Variants in ARFIP1 observed in about 807,000 individuals in gnomAD.
ARFIP1 encodes the protein arfaptin-1.
ARFIP1 carries 24 observed loss-of-function variants against 42.5 expected under a neutral mutation model. That is an observed-to-expected ratio of 0.57 (90% CI 0.41 to 0.80). The LOEUF (loss-of-function observed/expected upper bound fraction) is 0.80, where lower values mean the gene tolerates loss of function less well. Among genes scored for constraint, ARFIP1 ranks in the 30% least tolerant of loss-of-function variants. The pLI is 0.00. For missense variants in ARFIP1, 354 were observed against 434.0 expected, an observed-to-expected ratio of 0.82 and a Z score of 1.64; for synonymous variants, 141 against 153.7, an observed-to-expected ratio of 0.92 and a Z score of 0.61.
At chr4:152,868,986 A>G (rs983485773) in intron 3 of ARFIP1, among the ~76,000 whole-genome samples, 3 of 152,218 alleles carry the variant, frequency 2.0e-5, no homozygotes, top group African/African-American at 7.2e-5. Context: ...GATTTCCATC[A>G]TCCCTTCTGG....
chr4:152,891,042 G>A (rs1235337144), intron 8 of ARFIP1, among the ~76,000 whole-genome samples: 1 of 152,130 alleles, frequency 6.6e-6, no homozygotes, highest in Non-Finnish European at 1.5e-5. Context: ...CTTCTGACTC[G>A]TAGATGGCTC....
intron 1 of ARFIP1, among the ~76,000 whole-genome samples, chr4:152,812,822 T>G (rs1399404541): frequency 6.7e-6 from 1 of 148,706 alleles, no homozygotes; most frequent in Non-Finnish European, 1.5e-5. Flanking sequence ...TAGGTCATTC[T>G]AGATTCCTCC....
chr4:152,881,264 T>G, intron 6 of ARFIP1, 80 bp downstream of exon 6: 1 of 1,091,374 alleles, frequency 9.2e-7, no homozygotes, highest in East Asian at 2.5e-5. Context: ...GTTATTGTGA[T>G]TTGCTGAACT....
At chr4:152,796,580 G>A in intron 1 of ARFIP1, 1 of 834,976 alleles carries the variant, frequency 1.2e-6, no homozygotes, top group Non-Finnish European at 2.1e-6. Context: ...TGATAGGCAG[G>A]TACTGCTCCC....
In ARFIP1 at chr4:152,911,921, C is replaced by G. The variant is rs1370611582; in HGVS notation, c.*1702C>G. 1 of 152,488 alleles carries G rather than the reference C, an allele frequency of 6.6e-6. No individual in the cohort carries two copies. The highest frequency in any genetic ancestry group is 1.9e-4 in the East Asian group (1 of 5,194). The allele number at this position is 152,488 out of a possible 1,614,324, so 9.4% of individuals were successfully genotyped here. On this transcript the variant is annotated 3_prime_UTR_variant, in exon 9 of 9. Coordinates refer to ENST00000353617, the MANE Select transcript of ARFIP1 (RefSeq NM_001025595.3). ...GTGTTTGCTGCAGTAAATCGTTTCTCTGGACCTTCATAGTTTAAGAAGTAA... is the reference window on the plus strand; with the variant it reads ...GTGTTTGCTGCAGTAAATCGTTTCTGTGGACCTTCATAGTTTAAGAAGTAA...
At chr4:152,804,264 T>TATATAATATATAACATAACATGTATTAC (rs1561108530) in intron 1 of ARFIP1, among the ~76,000 whole-genome samples, 2,935 of 11,384 alleles carry the variant, frequency 0.26, 1,198 homozygotes, top group Admixed American at 0.42. Context: ...ACATGTATTA[T>TATATAATATATAACATAACATGTATTAC]ATATTATATA....
At chr4:152,822,706 C>A (rs1730488711) in intron 1 of ARFIP1, among the ~76,000 whole-genome samples, 1 of 152,152 alleles carries the variant, frequency 6.6e-6, no homozygotes, top group African/African-American at 2.4e-5. Context: ...AGAATTATAT[C>A]AGGTATCTTC....
chr4:152,889,498 CATATATATATATATATATATAT>C (rs71595203), intron 8 of ARFIP1, among the ~76,000 whole-genome samples: 2 of 42,790 alleles, frequency 4.7e-5, no homozygotes, highest in South Asian at 2.2e-3. Context: ...TCATTTTAGT[CATATATATATATATATATATAT>C]ATATATATAT....
rs61135783 is a variant in ARFIP1, at chr4:152,808,283, A to ATTTTTTTTTTTTTTTT, written c.-9-21323_-9-21308dup. Among the ~76,000 whole-genome samples the ATTTTTTTTTTTTTTTT allele has an allele frequency of 2.6e-3, 52 of 20,310 alleles. 10 individuals are homozygous for ATTTTTTTTTTTTTTTT. The highest frequency in any genetic ancestry group is 6.4e-3 in the East Asian group (4 of 622). 13.3% of individuals were successfully genotyped at this position (20,310 alleles called of 152,430 possible). ...GTGTGAGCCACCACGCCTGGCCTCC[A>ATTTTTTTTTTTTTTTT]TTTTTTTTTTTTTTTTTTTTTTTTT... is the stretch of plus-strand genomic sequence containing the variant. On this transcript the variant is annotated intron_variant, in intron 1 of 8. Coordinates refer to ENST00000353617, the MANE Select transcript of ARFIP1 (RefSeq NM_001025595.3).
At chr4:152,839,917 C>T (rs1002623859) in intron 2 of ARFIP1, among the ~76,000 whole-genome samples, 20 of 152,022 alleles carry the variant, frequency 1.3e-4, no homozygotes, top group Admixed American at 9.2e-4. Context: ...TTGATGTAGG[C>T]GTTTAGCACC....
At chr4:152,785,278 C>T (rs62318852) in intron 1 of ARFIP1, among the ~76,000 whole-genome samples, 57,771 of 152,068 alleles carry the variant, frequency 0.38, 12,042 homozygotes, top group Admixed American at 0.49. Context: ...CATACATCCT[C>T]ATTTTATTTT....
At chr4:152,883,284 T>C in intron 7 of ARFIP1, 1 of 185,866 alleles carries the variant, frequency 5.4e-6, no homozygotes, top group Non-Finnish European at 1.1e-5. Context: ...CTCTGGCTTC[T>C]TTAGAAGAGG....
At chr4:152,786,422 G>GA (rs1730813182) in intron 1 of ARFIP1, among the ~76,000 whole-genome samples, 1 of 152,120 alleles carries the variant, frequency 6.6e-6, no homozygotes, top group African/African-American at 2.4e-5. Flanking sequence ...GTAAAATCCA[G>GA]AAAACTAGAA....
chr4:152,884,218 G>GGTGAGGATAGCT (rs1267753514), intron 7 of ARFIP1, among the ~76,000 whole-genome samples: 1 of 151,930 alleles, frequency 6.6e-6, no homozygotes, highest in Non-Finnish European at 1.5e-5. Flanking sequence ...GAGGGGTAAG[G>GGTGAGGATAGCT]GTGAGGATAG....
intron 2 of ARFIP1, among the ~76,000 whole-genome samples, chr4:152,848,744 T>C (rs1732758691): frequency 6.6e-6 from 1 of 152,238 alleles, no homozygotes; most frequent in Non-Finnish European, 1.5e-5. Context: ...TTTTGGTTCA[T>C]AGTAGTTGCT....
At chr4:152,889,741 ATATATAC>A (rs1736615138) in intron 8 of ARFIP1, among the ~76,000 whole-genome samples, 1 of 41,030 alleles carries the variant, frequency 2.4e-5, no homozygotes, top group Non-Finnish European at 4.9e-5. Context: ...ATACTATACT[ATATATAC>A]TATATATTAT....
chr4:152,814,054 GT>G (rs548040115), intron 1 of ARFIP1, among the ~76,000 whole-genome samples: 1 of 149,862 alleles, frequency 6.7e-6, no homozygotes, highest in Non-Finnish European at 1.5e-5. Context: ...TAGGTGGACA[GT>G]TTTTCTTTTG....
intron 2 of ARFIP1, among the ~76,000 whole-genome samples, chr4:152,846,871 G>A (rs1470229051): frequency 6.6e-6 from 1 of 151,768 alleles, no homozygotes; most frequent in Admixed American, 6.6e-5. Context: ...TTACGTTGTC[G>A]TAACCTGGCT....
At chr4:152,800,606 G>A (rs1728325390) in intron 1 of ARFIP1, among the ~76,000 whole-genome samples, 2 of 152,144 alleles carry the variant, frequency 1.3e-5, no homozygotes, top group Non-Finnish European at 1.5e-5. Flanking sequence ...ATATTTATTA[G>A]TTTATCCTGA....
Sources: allele counts gnomAD v4.1 joint callset (sites outside exome capture counted in the v4.1 genomes callset), GRCh38; gene constraint gnomAD v4.1.1; transcripts MANE v1.5; gene names NCBI Gene and HGNC (gene_info 2026-07-23, HGNC 2026-07-21).